The following TRIM72 variants were observed in gnomAD, a reference collection of about 807,000 sequenced individuals.
TRIM72 encodes the protein tripartite motif containing 72, also known as tripartite motif-containing protein 72.
TRIM72 carries 33 observed loss-of-function variants against 31.6 expected under a neutral mutation model. The ratio of observed to expected loss-of-function variants is 1.04; its 90% CI spans 0.79 to 1.40. The LOEUF (loss-of-function observed/expected upper bound fraction) is 1.40. TRIM72 is among the 40% of genes most tolerant of loss of function. The probability of loss-of-function intolerance (pLI) is 0.00; values close to 1 mark genes in which losing one functional copy is unlikely to be tolerated. For missense variants in TRIM72, 666 were observed against 682.7 expected (o/e 0.98, Z 0.27); for synonymous variants, 301 against 314.4 (o/e 0.96, Z 0.45).
At position 31,224,178 on chromosome 16, in the gene TRIM72, CAGCGCTGGAGG is replaced by C; in HGVS notation, c.861_871del (p.Leu288AspfsTer3). 2 of 1,601,432 alleles carry C rather than the reference CAGCGCTGGAGG, an allele frequency of 1.2e-6. No homozygotes were observed. Among genetic ancestry groups the C allele is most frequent in the Non-Finnish European group, 1.7e-6 (2 of 1,179,658 alleles). ...GGTTTTCTGACCGTGTTCTCTCTGG[CAGCGCTGGAGG>C]AGCTGACCTTTGACCCGAGCTCTGC... On this transcript the variant is annotated splice_acceptor_variant and coding_sequence_variant, in exon 7 of 7. Coordinates refer to ENST00000322122, the MANE Select transcript of TRIM72 (RefSeq NM_001008274.4). LOFTEE classifies it high-confidence loss of function.
chr16:31,218,668 C>T (rs577124678), intron 2 of TRIM72, among the ~76,000 whole-genome samples: 1 of 150,064 alleles, frequency 6.7e-6, no homozygotes, highest in Non-Finnish European at 1.5e-5. Flanking sequence ...GGTGACAGAG[C>T]GAGACTCCAA....
rs528317609 is a variant in TRIM72, at chr16:31,215,727, T to C, written c.390+599T>C. On this transcript the variant is annotated intron_variant, in intron 2 of 6. Transcript: ENST00000322122. The surrounding 1 kb of genome is among the most constrained non-coding windows in gnomAD (Gnocchi z 6.3). ...GCTAGGCAGCCGGGATCTGCACTTA[T>C]GTGTGCGGGCCCAGGGTGGCACCGA... Among the ~76,000 whole-genome samples the C allele has an allele frequency of 3.9e-5, 6 of 152,248 alleles. No homozygotes were observed. Among genetic ancestry groups the C allele is most frequent in the Non-Finnish European group, 8.8e-5 (6 of 68,006 alleles).
rs1352352421 is a variant in TRIM72, at chr16:31,214,963, G to A, written c.225G>A (p.Val75=). The A allele has an allele frequency of 1.1e-5, 16 of 1,489,658 alleles. No individual in the cohort carries two copies. Among genetic ancestry groups the A allele is most frequent in the Admixed American group, 8.9e-5 (4 of 44,808 alleles). The allele number at this position is 1,489,658 out of a possible 1,614,324, so 92.3% of individuals were successfully genotyped here. ...CCAACCTGCAGCTGGCGCGCCTGGT[G>A]GAGGGGCTGGCCCAGGTGCCGCAGG... ...LSTNLQLARL[V]EGLAQVPQGH... The change falls in exon 2 of 7, where the codon GTG becomes GTA. Residue 75 remains valine, a synonymous_variant. Transcript: ENST00000322122.
Position 31,227,388 on chromosome 16 carries a change from G to A in TRIM72, c.*2633G>A, listed in dbSNP as rs10782003. Reference sequence around the variant, plus strand: ...TGCCATTTTTTTTGTTGGTTGGTTTGTTTGTTTTGTTTGAGACAGAGTCTC... The same window carrying A: ...TGCCATTTTTTTTGTTGGTTGGTTTATTTGTTTTGTTTGAGACAGAGTCTC... On this transcript the variant is annotated 3_prime_UTR_variant, in exon 7 of 7. Coordinates refer to ENST00000322122, the MANE Select transcript of TRIM72 (RefSeq NM_001008274.4). The A allele has an allele frequency of 0.89, 135,292 of 152,408 alleles. 62,239 individuals carry two copies. The highest frequency in any genetic ancestry group is 1 in the East Asian group (5,178 of 5,178). 9.4% of individuals were successfully genotyped at this position (152,408 alleles called of 1,614,324 possible).
At position 31,216,778 on chromosome 16, in the gene TRIM72, C is replaced by T; in HGVS notation, c.390+1650C>T. The stretch of plus-strand genomic sequence containing the variant: ...TGGCCCTCACGCAGCCCGCTGCAGC[C>T]GTGCGGCCTCCTCCAACATGCGCAT... On this transcript the variant is annotated intron_variant, in intron 2 of 6. Transcript: ENST00000322122. The surrounding 1 kb of genome is among the most constrained non-coding windows in gnomAD (Gnocchi z 6.7). 3 of 1,604,206 alleles carry T rather than the reference C, an allele frequency of 1.9e-6. No homozygotes were observed. Among genetic ancestry groups the T allele is most frequent in the South Asian group, 1.1e-5 (1 of 90,904 alleles).
chr16:31,217,037 C>A, intron 2 of TRIM72: 12 of 1,606,554 alleles, frequency 7.5e-6, no homozygotes, highest in Non-Finnish European at 1.0e-5. Flanking sequence ...ATGGCTCAGC[C>A]CTGCGCCTCT....
At position 31,219,275 on chromosome 16, in the gene TRIM72, C is replaced by G. The variant is rs1366841651; in HGVS notation, c.487-14C>G. Reference sequence around the variant, plus strand: ...AGAGTCTTTATCCCTTCAATCACTGCCCCATCCCTGCAGGAGACAGTGCGT... The same window carrying G: ...AGAGTCTTTATCCCTTCAATCACTGGCCCATCCCTGCAGGAGACAGTGCGT... On this transcript the variant is annotated splice_polypyrimidine_tract_variant and intron_variant, in intron 3 of 6. Coordinates refer to ENST00000322122, the MANE Select transcript of TRIM72 (RefSeq NM_001008274.4). This position sits in a 1 kb window ranked among gnomAD's most constrained non-coding sequence, Gnocchi z 4.2. The G allele has an allele frequency of 6.2e-7, 1 of 1,614,118 alleles. No homozygotes were observed. Among genetic ancestry groups the G allele is most frequent in the Non-Finnish European group, 8.5e-7 (1 of 1,179,966 alleles).
At chr16:31,221,492 GA>G (rs993385201) in intron 5 of TRIM72, among the ~76,000 whole-genome samples, 2 of 143,990 alleles carry the variant, frequency 1.4e-5, no homozygotes, top group African/African-American at 5.2e-5. Context: ...GCATTGCTGG[GA>G]GAAGGGCATT....
rs774438318 is a variant in TRIM72 at position 31,224,442 on chromosome 16, C to G, written c.1121C>G (p.Ala374Gly). ...GCCCCCCGCCGCGGGCGCCTGCACG[C>G]GGTGCCCTCGCAGGGCCTGTGGCTG... Reference protein sequence around the residue: ...AEAPRRGRLHAVPSQGLWLLG... With the variant: ...AEAPRRGRLHGVPSQGLWLLG... The change falls in exon 7 of 7, where the codon GCG (alanine) becomes GGG (glycine). Residue 374 changes from alanine to glycine, a missense_variant. By Grantham distance (60) the Ala-to-Gly change is moderately conservative (BLOSUM62 0). Coordinates refer to ENST00000322122, the MANE Select transcript of TRIM72 (RefSeq NM_001008274.4). 5.6e-6 allele frequency: 8 copies of G among 1,436,008 alleles called. No individual in the cohort carries two copies. The South Asian group carries it at 1.0e-4, about 18-fold the overall frequency. The allele number at this position is 1,436,008 out of a possible 1,614,324, so 89.0% of individuals were successfully genotyped here. A position where few individuals can be genotyped will look rare whatever the true frequency, so the allele number is the denominator to read the frequency against.
Position 31,219,108 on chromosome 16 carries a change from A to G in TRIM72, c.404A>G (p.Gln135Arg). Reference sequence around the variant, plus strand: ...CTCGACCCCCAGACACAGCTGCCACAGCAGAAACTGCAGCTGCAGGAGGCA... The same window carrying G: ...CTCGACCCCCAGACACAGCTGCCACGGCAGAAACTGCAGCTGCAGGAGGCA... ...AHARLKTQLP[Q>R]QKLQLQEACM... Residue 135 changes from glutamine (Q) to arginine (R), a missense_variant, in exon 3 of 7, where the codon CAG (glutamine) becomes CGG (arginine). Gln to Arg is a conservative substitution (Grantham distance 43). Coordinates refer to ENST00000322122, the MANE Select transcript of TRIM72 (RefSeq NM_001008274.4). This position sits in a 1 kb window ranked among gnomAD's most constrained non-coding sequence, Gnocchi z 4.2. The G allele has an allele frequency of 6.3e-7, 1 of 1,578,068 alleles. No homozygotes were observed. Among genetic ancestry groups the G allele is most frequent in the Non-Finnish European group, 8.6e-7 (1 of 1,161,324 alleles).
Position 31,215,267 on chromosome 16 carries a change from C to G in TRIM72, c.390+139C>G, listed in dbSNP as rs951299099. On this transcript the variant is annotated intron_variant, in intron 2 of 6. Transcript: ENST00000322122. This position sits in a 1 kb window ranked among gnomAD's most constrained non-coding sequence, Gnocchi z 6.3. ...GGAGTTGCGGGGGGCGGGGGCGGGG[C>G]GAAGCAGCCAGGAAAGAGGGTCTGA... The G allele has an allele frequency of 4.8e-6, 6 of 1,260,620 alleles. No individual in the cohort carries two copies. The highest frequency in any genetic ancestry group is 6.1e-6 in the Non-Finnish European group (6 of 981,140). 78.1% of individuals were successfully genotyped at this position (1,260,620 alleles called of 1,614,324 possible).
intron 2 of TRIM72, chr16:31,217,100 A>G: frequency 1.4e-6 from 2 of 1,470,314 alleles, no homozygotes; most frequent in Non-Finnish European, 1.8e-6. Flanking sequence ...CAGCAGGTGG[A>G]GCTGCCGCCC....
chr16:31,214,631 C>A (rs1426531412), intron 1 of TRIM72, 101 bp from the exon 2 acceptor site: 2 of 1,279,630 alleles, frequency 1.6e-6, no homozygotes, highest in South Asian at 3.6e-5. Context: ...TGGGGCTTCT[C>A]CCTGCGGGGC....
In TRIM72 at chr16:31,224,996, G is replaced by A. The variant is rs1403617861; in HGVS notation, c.*241G>A. On this transcript the variant is annotated 3_prime_UTR_variant, in exon 7 of 7. Transcript: ENST00000322122. ...ACCTGAGGTCAGGAGTTCAAGACCAGCCTGGCCAACATGGTGAAACTCCTC... is the reference window on the plus strand; with the variant it reads ...ACCTGAGGTCAGGAGTTCAAGACCAACCTGGCCAACATGGTGAAACTCCTC... 8.1e-6 allele frequency: 3 copies of A among 368,134 alleles called. No individual in the cohort carries two copies. The highest frequency in any genetic ancestry group is 1.5e-5 in the Non-Finnish European group (3 of 206,608). 22.8% of individuals were successfully genotyped at this position (368,134 alleles called of 1,614,324 possible). A position where few individuals can be genotyped will look rare whatever the true frequency, so the allele number is the denominator to read the frequency against.
At position 31,219,517 on chromosome 16, in the gene TRIM72, A is replaced by T. The variant is rs766735832; in HGVS notation, c.715A>T (p.Met239Leu). The stretch of plus-strand genomic sequence containing the variant: ...GGACAAGCCGCAGACTGAGTTCCTC[A>T]TGGTGAGCACTGGGTGACCCCCCTC... ...VADKPQTEFL[M>L]KYCLVTSRLQ... Residue 239 changes from methionine (M) to leucine (L), a missense_variant and splice_region_variant, in exon 4 of 7, where the codon ATG becomes TTG. Coordinates refer to ENST00000322122, the MANE Select transcript of TRIM72 (RefSeq NM_001008274.4). The surrounding 1 kb of genome is among the most constrained non-coding windows in gnomAD (Gnocchi z 4.2). 6.2e-7 allele frequency: 1 copy of T among 1,611,268 alleles called. No individual in the cohort carries two copies. The highest frequency in any genetic ancestry group is 8.5e-7 in the Non-Finnish European group (1 of 1,178,938).
Position 31,231,032 on chromosome 16 carries a change from T to C in TRIM72, c.*6277T>C, listed in dbSNP as rs2079568262. ...CTAGGTTGCCTCTTTTGTTTTGTTT[T>C]GTTTTTTTTTTGAGATGGAGTCTCA... On this transcript the variant is annotated 3_prime_UTR_variant, in exon 7 of 7. Transcript: ENST00000322122. 1 of 151,666 alleles carries C rather than the reference T, an allele frequency of 6.6e-6. No homozygotes were observed. Among genetic ancestry groups the C allele is most frequent in the African/African-American group, 2.4e-5 (1 of 41,292 alleles). 9.4% of individuals were successfully genotyped at this position (151,666 alleles called of 1,614,324 possible).
rs964697769 is a variant in TRIM72, at chr16:31,227,874, G to A, written c.*3119G>A. ...TGGTCTCGAGCTCCTGGCCTCAAGC[G>A]ATCCTCCCATCTTGGCTTCCCAAAG... On this transcript the variant is annotated 3_prime_UTR_variant, in exon 7 of 7. Coordinates refer to ENST00000322122, the MANE Select transcript of TRIM72 (RefSeq NM_001008274.4). 2 of 152,246 alleles carry A rather than the reference G, an allele frequency of 1.3e-5. No individual in the cohort carries two copies. Among genetic ancestry groups the A allele is most frequent in the African/African-American group, 4.8e-5 (2 of 41,420 alleles). The allele number at this position is 152,246 out of a possible 1,614,324, so 9.4% of individuals were successfully genotyped here.
intron 5 of TRIM72, 41 bp from the exon 6 acceptor site, chr16:31,222,782 TCCTC>T: frequency 1.8e-6 from 1 of 547,560 alleles, no homozygotes; most frequent in Non-Finnish European, 3.1e-6. Context: ...CCAGCCCTTG[TCCTC>T]CCCCCTCACA....
Position 31,224,245 on chromosome 16 carries a change from C to T in TRIM72, c.924C>T (p.Gly308=). The T allele has an allele frequency of 6.2e-7, 1 of 1,604,924 alleles. No individual in the cohort carries two copies. The highest frequency in any genetic ancestry group is 8.5e-7 in the Non-Finnish European group (1 of 1,179,800). The change falls in exon 7 of 7, where the codon GGC becomes GGT. Residue 308 remains glycine (G), a synonymous_variant. Transcript: ENST00000322122. ...AHPSLVVSSS[G]RRVECSEQKA... is the part of the protein sequence containing the mutation. ...CGAGCCTGGTGGTGTCTTCCTCTGG[C>T]CGCCGCGTGGAGTGCTCGGAGCAGA...
Sources: gnomAD v4.1 joint callset for allele counts (sites outside exome capture counted in the v4.1 genomes callset) on GRCh38, gnomAD v4.1.1 for gene constraint, Gnocchi (gnomAD v3.1) non-coding constraint, MANE v1.5 for transcripts, NCBI Gene and HGNC (gene_info 2026-07-23, HGNC 2026-07-21) for gene names.